UBE2K: variants seen among roughly 807,000 people sequenced by gnomAD.
The protein encoded by UBE2K is ubiquitin conjugating enzyme E2 K, also known as ubiquitin-conjugating enzyme E2 K.
UBE2K carries 6 observed loss-of-function variants against 30.0 expected under a neutral mutation model. The observed-to-expected ratio is 0.20, with a 90% confidence interval of 0.11 to 0.39. The LOEUF is 0.39. Ranked by LOEUF, UBE2K falls within the 10% of genes least tolerant of loss-of-function variation. The pLI, the probability that UBE2K is intolerant of heterozygous loss-of-function variation, is 1.00. For synonymous variants in UBE2K, 86 were observed against 83.7 expected (o/e 1.03, Z -0.15); for missense variants, 61 against 241.6 (o/e 0.25, Z 4.96).
chr4:39,709,565 GTTTAA>G (rs1356487971), intron 1 of UBE2K, among the ~76,000 whole-genome samples: 2 of 152,012 alleles, frequency 1.3e-5, no homozygotes, highest in Non-Finnish European at 2.9e-5. Context: ...AATCTCTTGT[GTTTAA>G]TTTATAGATT....
Position 39,743,693 on chromosome 4 carries a change from G to GATT in UBE2K, c.158-2056_158-2054dup, listed in dbSNP as rs1285816068. 3.3e-5 allele frequency among the ~76,000 whole-genome samples: 5 copies of GATT among 151,472 alleles called. No individual in the cohort carries two copies. The South Asian group carries it at 1.0e-3, about 32-fold the overall frequency. On this transcript the variant is annotated intron_variant, in intron 2 of 6. Coordinates refer to ENST00000261427, the MANE Select transcript of UBE2K (RefSeq NM_005339.5). Reference sequence around the variant, plus strand: ...CCATCTGTGATCTAATTTATTCTTTGATTATCTTGAAACAAAATCTCATAG... The same window carrying GATT: ...CCATCTGTGATCTAATTTATTCTTTGATTATTATCTTGAAACAAAATCTCATAG...
rs577911303 is a variant in UBE2K at position 39,745,786 on chromosome 4, A to G, written c.192A>G (p.Glu64=). 9 of 1,607,866 alleles carry G rather than the reference A, an allele frequency of 5.6e-6. No individual in the cohort carries two copies. The South Asian group carries it at 9.0e-5, about 16-fold the overall frequency. Residue 64 remains glutamate, a synonymous_variant, in exon 3 of 7, where the codon GAA becomes GAG. Transcript: ENST00000261427. ...GRYQLEIKIP[E]TYPFNPPKVR... ...ACCAACTAGAGATAAAAATACCAGA[A>G]ACATACCCATTTAATCCCCCTAAGG...
intron 4 of UBE2K, chr4:39,770,557 C>G: frequency 6.3e-7 from 1 of 1,590,776 alleles, no homozygotes; most frequent in Admixed American, 1.8e-5. Context: ...GCTGCTGCTT[C>G]CACCAGGCCC....
intron 1 of UBE2K, among the ~76,000 whole-genome samples, chr4:39,723,298 CT>C (rs753663445): frequency 1.4e-4 from 21 of 151,642 alleles, no homozygotes; most frequent in Middle Eastern, 3.4e-3. Flanking sequence ...CTGCCTCGAC[CT>C]CCCAAAGTGC....
intron 1 of UBE2K, among the ~76,000 whole-genome samples, chr4:39,702,221 CTTTTCTTTTCTTTTTTTT>C: frequency 1.7e-5 from 1 of 58,646 alleles, no homozygotes; most frequent in South Asian, 6.1e-4. Context: ...CTTTTCTTTT[CTTTTCTTTTCTTTTTTTT>C]TTTTTTTTTT....
intron 4 of UBE2K, among the ~76,000 whole-genome samples, chr4:39,773,688 G>C (rs539087392): frequency 6.6e-6 from 1 of 151,464 alleles, no homozygotes; most frequent in Non-Finnish European, 1.5e-5. Context: ...TTGGGAGGCC[G>C]AGGCGGGCGG....
intron 5 of UBE2K, 88 bp downstream of exon 5, chr4:39,775,021 C>A: frequency 1.4e-6 from 1 of 692,398 alleles, no homozygotes; most frequent in Non-Finnish European, 2.2e-6. Context: ...CATGAGCATA[C>A]TCTATTGAAA....
chr4:39,744,170 T>C (rs1219961346), intron 2 of UBE2K, among the ~76,000 whole-genome samples: 1 of 149,374 alleles, frequency 6.7e-6, no homozygotes, highest in African/African-American at 2.5e-5. Flanking sequence ...GCCCAGAGTT[T>C]CTTAAGAGGC....
intron 1 of UBE2K, among the ~76,000 whole-genome samples, chr4:39,702,226 CTTTTCTTTTTTTTT>C (rs1718058705): frequency 4.4e-5 from 4 of 90,826 alleles, no homozygotes; most frequent in Admixed American, 1.4e-4. Context: ...CTTTTCTTTT[CTTTTCTTTTTTTTT>C]TTTTTTTTTT....
At position 39,718,095 on chromosome 4, in the gene UBE2K, G is replaced by A. The variant is rs189359081; in HGVS notation, c.64-19325G>A. Among the ~76,000 whole-genome samples, 1,108 of 152,258 alleles carry A rather than the reference G, an allele frequency of 7.3e-3. 4 individuals carry two copies. The highest frequency in any genetic ancestry group is 0.017 in the Middle Eastern group (5 of 294). ...GAGTGGGTTGCCACTGCTGGCTCAG[G>A]CAGCCTGTTTTTATTCTCTTATCTG... On this transcript the variant is annotated intron_variant, in intron 1 of 6. Transcript: ENST00000261427.
At chr4:39,740,932 C>A (rs1323071657) in intron 2 of UBE2K, among the ~76,000 whole-genome samples, 1 of 138,232 alleles carries the variant, frequency 7.2e-6, no homozygotes, top group Non-Finnish European at 1.6e-5. Flanking sequence ...TTTTTCTTTT[C>A]TTTTTCCCGA....
intron 1 of UBE2K, among the ~76,000 whole-genome samples, chr4:39,734,345 G>GTCA (rs1720239505): frequency 4.6e-5 from 7 of 152,032 alleles, no homozygotes; most frequent in Admixed American, 4.6e-4. Flanking sequence ...AAACTGTTGG[G>GTCA]ATTACAGGCA....
chr4:39,737,691 G>A (rs1720451671), intron 2 of UBE2K, among the ~76,000 whole-genome samples, 178 bp downstream of exon 2: 1 of 152,092 alleles, frequency 6.6e-6, no homozygotes, highest in Non-Finnish European at 1.5e-5. Flanking sequence ...ATTTCTTACT[G>A]AATTTTAGCT....
chr4:39,768,736 A>G (rs1436776622), intron 4 of UBE2K, among the ~76,000 whole-genome samples: 2 of 152,128 alleles, frequency 1.3e-5, no homozygotes, highest in African/African-American at 4.8e-5. Flanking sequence ...TGGTTGTACT[A>G]ATTTGTATTC....
rs1578467941 is a variant in UBE2K, at chr4:39,744,741, C to T, written c.158-1011C>T. Among the ~76,000 whole-genome samples the T allele has an allele frequency of 2.7e-5, 4 of 150,436 alleles. No homozygotes were observed. In the South Asian group the frequency reaches 8.4e-4, roughly 32 times the overall value. On this transcript the variant is annotated intron_variant, in intron 2 of 6. Coordinates refer to ENST00000261427, the MANE Select transcript of UBE2K (RefSeq NM_005339.5). The stretch of plus-strand genomic sequence containing the variant: ...CTAACATGGTGAAACCCTGTCTGTA[C>T]TAAAAACACAAAAAAATTAGCCAGG...
Position 39,781,689 on chromosome 4 carries a change from C to G in UBE2K, c.*3255C>G. On this transcript the variant is annotated 3_prime_UTR_variant, in exon 7 of 7. Coordinates refer to ENST00000261427, the MANE Select transcript of UBE2K (RefSeq NM_005339.5). ...GAACAGCTGGAGCCAGGTATACCTTCTAGTATGTAGAGGGAAACAATGTTT... is the reference window on the plus strand; with the variant it reads ...GAACAGCTGGAGCCAGGTATACCTTGTAGTATGTAGAGGGAAACAATGTTT... 5.4e-6 allele frequency: 2 copies of G among 370,178 alleles called. No individual in the cohort carries two copies. Among genetic ancestry groups the G allele is most frequent in the Non-Finnish European group, 9.6e-6 (2 of 207,964 alleles). The allele number at this position is 370,178 out of a possible 1,614,324, so 22.9% of individuals were successfully genotyped here.
chr4:39,761,290 C>G (rs1173115700), intron 4 of UBE2K: 2 of 152,138 alleles, frequency 1.3e-5, no homozygotes, highest in Non-Finnish European at 2.9e-5. Flanking sequence ...ATAGTGAAAC[C>G]CAATCTCTTT....
intron 1 of UBE2K, among the ~76,000 whole-genome samples, chr4:39,724,875 G>A (rs1719652833): frequency 6.6e-6 from 1 of 152,136 alleles, no homozygotes; most frequent in South Asian, 2.1e-4. Flanking sequence ...ATTGGGCTGT[G>A]TTTTGTATTA....
Position 39,777,780 on chromosome 4 carries a change from A to G in UBE2K, c.498A>G (p.Ile166Met). 1 of 1,548,770 alleles carries G rather than the reference A, an allele frequency of 6.5e-7. No homozygotes were observed. The highest frequency in any genetic ancestry group is 8.6e-7 in the Non-Finnish European group (1 of 1,157,166). ...CTAGTCCAGAATACACCAAAAAAAT[A>G]GAAAACCTATGTGCTATGGGCTTTG... ...PVSSPEYTKK[I>M]ENLCAMGFDR... Residue 166 changes from isoleucine to methionine, a missense_variant, in exon 6 of 7, where the codon ATA becomes ATG. Coordinates refer to ENST00000261427, the MANE Select transcript of UBE2K (RefSeq NM_005339.5).
Sources: gnomAD v4.1 joint callset for allele counts (sites outside exome capture counted in the v4.1 genomes callset) on GRCh38, gnomAD v4.1.1 for gene constraint, MANE v1.5 for transcripts, NCBI Gene and HGNC (gene_info 2026-07-23, HGNC 2026-07-21) for gene names.